The following TRAPPC6B variants were observed in gnomAD, a reference collection of about 807,000 sequenced individuals.
The protein encoded by TRAPPC6B is trafficking protein particle complex subunit 6B.
A neutral mutation model predicts 24.7 loss-of-function variants in TRAPPC6B; 27 were observed. The ratio of observed to expected loss-of-function variants is 1.09; its 90% CI spans 0.81 to 1.51. The LOEUF is 1.51. TRAPPC6B is among the 40% of genes most tolerant of loss of function. The pLI is 0.00. For synonymous variants in TRAPPC6B, 80 were observed against 66.6 expected, an observed-to-expected ratio of 1.20 and a Z score of -0.98; for missense variants, 212 against 190.8, an observed-to-expected ratio of 1.11 and a Z score of -0.66.
At chr14:39,153,829 C>T (rs1054773640) in intron 4 of TRAPPC6B, among the ~76,000 whole-genome samples, 11 of 151,930 alleles carry the variant, frequency 7.2e-5, no homozygotes, top group African/African-American at 1.7e-4. Flanking sequence ...CTCAGCCTCC[C>T]GAATAGCTGG....
In TRAPPC6B at chr14:39,148,986, G is replaced by A. The variant is rs1194784271; in HGVS notation, c.*1364C>T. On this transcript the variant is annotated 3_prime_UTR_variant, in exon 6 of 6. Coordinates refer to ENST00000330149, the MANE Select transcript of TRAPPC6B (RefSeq NM_001079537.2). ...AAGTACTTGCATATCTAAACATAAA[G>A]AAGGTACAGTAAAAATACAGTATTG... The A allele has an allele frequency of 8.0e-6, 3 of 376,776 alleles. No individual in the cohort carries two copies. The highest frequency in any genetic ancestry group is 1.4e-5 in the Non-Finnish European group (3 of 213,052). The allele number at this position is 376,776 out of a possible 1,614,324, so 23.3% of individuals were successfully genotyped here. A position where few individuals can be genotyped will look rare whatever the true frequency, so the allele number is the denominator to read the frequency against.
chr14:39,150,509 A>G, intron 5 of TRAPPC6B, 128 bp from the exon 6 acceptor site: 1 of 647,580 alleles, frequency 1.5e-6, no homozygotes, highest in Non-Finnish European at 2.6e-6. Flanking sequence ...ACTTTTTCGC[A>G]TTCTTCATAA....
chr14:39,170,171 C>A lies in TRAPPC6B; in HGVS notation c.-76G>T. 2.0e-6 allele frequency: 3 copies of A among 1,474,728 alleles called. No individual in the cohort carries two copies. The highest frequency in any genetic ancestry group is 1.9e-5 in the Admixed American group (1 of 52,278). The allele number at this position is 1,474,728 out of a possible 1,614,324, so 91.4% of individuals were successfully genotyped here. On this transcript the variant is annotated 5_prime_UTR_variant, in exon 1 of 6. Coordinates refer to ENST00000330149, the MANE Select transcript of TRAPPC6B (RefSeq NM_001079537.2). ...CTGGGGGTTCCAGCTCGCGCCTCAG[C>A]GACTTCGCCGGCGCCGCGGCTCCGT...
chr14:39,151,537 T>C (rs1310734228), intron 5 of TRAPPC6B, among the ~76,000 whole-genome samples: 4 of 152,102 alleles, frequency 2.6e-5, no homozygotes, highest in Admixed American at 2.6e-4. Context: ...ATCCCTTAAA[T>C]TGTCTTATAA....
Position 39,162,765 on chromosome 14 carries a change from A to G in TRAPPC6B, c.82-3215T>C, listed in dbSNP as rs544246557. Among the ~76,000 whole-genome samples the G allele has an allele frequency of 4.2e-4, 64 of 152,234 alleles. 1 individual carries two copies. The South Asian group carries it at 0.011, about 25-fold the overall frequency. On this transcript the variant is annotated intron_variant, in intron 1 of 5. Transcript: ENST00000330149. ...GCTCTTTCTTTGACAATCTCATTCAATCTTAAGGCTTGAAATAGTACCTCT... is the reference window on the plus strand; with the variant it reads ...GCTCTTTCTTTGACAATCTCATTCAGTCTTAAGGCTTGAAATAGTACCTCT...
intron 1 of TRAPPC6B, among the ~76,000 whole-genome samples, chr14:39,166,636 T>G (rs866185086): frequency 1.7e-4 from 25 of 150,122 alleles, no homozygotes; most frequent in Middle Eastern, 3.4e-3. Flanking sequence ...GGGTCTGAAT[T>G]CTGCTAAAAT....
At chr14:39,164,308 C>A (rs115904468) in intron 1 of TRAPPC6B, among the ~76,000 whole-genome samples, 3 of 152,012 alleles carry the variant, frequency 2.0e-5, no homozygotes, top group African/African-American at 7.3e-5. Flanking sequence ...TTTACCGACA[C>A]GGAAAAACCC....
At chr14:39,163,063 T>C (rs1179965374) in intron 1 of TRAPPC6B, among the ~76,000 whole-genome samples, 1 of 150,572 alleles carries the variant, frequency 6.6e-6, no homozygotes, top group Non-Finnish European at 1.5e-5. Context: ...TTGGCAACTC[T>C]CTATCCTAGT....
chr14:39,166,472 G>A (rs2053109941), intron 1 of TRAPPC6B, among the ~76,000 whole-genome samples: 1 of 152,142 alleles, frequency 6.6e-6, no homozygotes, highest in Non-Finnish European at 1.5e-5. Flanking sequence ...TAACCTCCAA[G>A]CTGCCCTTGG....
At chr14:39,169,847 A>G (rs1459350516) in intron 1 of TRAPPC6B, among the ~76,000 whole-genome samples, 168 bp downstream of exon 1, 1 of 152,236 alleles carries the variant, frequency 6.6e-6, no homozygotes, top group Non-Finnish European at 1.5e-5. Context: ...TGACGGTTCA[A>G]AGGAGACAAC....
intron 4 of TRAPPC6B, 131 bp downstream of exon 4, chr14:39,154,080 A>G (rs2052947782): frequency 3.4e-6 from 2 of 590,240 alleles, no homozygotes; most frequent in South Asian, 2.3e-5. Context: ...CTCATTTCAT[A>G]GAAAACTCTT....
chr14:39,164,562 G>A (rs2053089209), intron 1 of TRAPPC6B, among the ~76,000 whole-genome samples: 1 of 152,130 alleles, frequency 6.6e-6, no homozygotes, highest in Non-Finnish European at 1.5e-5. Flanking sequence ...TAAAGTCCAG[G>A]CCTGATGTAG....
At chr14:39,156,291 T>C (rs905403547) in intron 3 of TRAPPC6B, among the ~76,000 whole-genome samples, 2 of 152,130 alleles carry the variant, frequency 1.3e-5, no homozygotes, top group African/African-American at 4.8e-5. Context: ...TTGAGACCAG[T>C]CTGGAAAACA....
intron 3 of TRAPPC6B, chr14:39,157,284 A>G (rs2052993913): frequency 5.3e-6 from 2 of 375,948 alleles, no homozygotes; most frequent in African/African-American, 2.1e-5. Flanking sequence ...AGCAGCTGAA[A>G]GTGCCTCCTA....
At position 39,170,150 on chromosome 14, in the gene TRAPPC6B, G is replaced by T. The variant is rs2053154317; in HGVS notation, c.-55C>A. On this transcript the variant is annotated 5_prime_UTR_variant, in exon 1 of 6. Transcript: ENST00000330149. ...TTGGCTCCCGTTTGAGCTGGTCTGG[G>T]GGTTCCAGCTCGCGCCTCAGCGACT... The T allele has an allele frequency of 6.4e-7, 1 of 1,573,462 alleles. No homozygotes were observed. Among genetic ancestry groups the T allele is most frequent in the Admixed American group, 1.8e-5 (1 of 56,318 alleles).
rs750417849 is a variant in TRAPPC6B, at chr14:39,154,279, G to A, written c.283C>T (p.Gln95Ter). 3.1e-6 allele frequency: 5 copies of A among 1,611,736 alleles called. No individual in the cohort carries two copies. Among genetic ancestry groups the A allele is most frequent in the Non-Finnish European group, 4.2e-6 (5 of 1,178,350 alleles). The change falls in exon 4 of 6, where the codon CAG (glutamine) becomes TAG (stop). Residue 95 changes from glutamine to a stop codon, truncating the protein, a stop_gained. Coordinates refer to ENST00000330149, the MANE Select transcript of TRAPPC6B (RefSeq NM_001079537.2). LOFTEE classifies it high-confidence loss of function. ...RTNHQGIYVLQDNKFRLLTQM... is the reference protein window; with the variant it reads ...RTNHQGIYVL Reference sequence around the variant, plus strand: ...GTAAGCAGGCGAAATTTGTTGTCCTGAAGTACATAGATGCCCTGTTCCAAA... The same window carrying A: ...GTAAGCAGGCGAAATTTGTTGTCCTAAAGTACATAGATGCCCTGTTCCAAA...
At chr14:39,156,513 G>C (rs2052980814) in intron 3 of TRAPPC6B, among the ~76,000 whole-genome samples, 4 of 152,068 alleles carry the variant, frequency 2.6e-5, no homozygotes, top group African/African-American at 7.2e-5. Flanking sequence ...AGAATTACTT[G>C]AGTCCAGGAG....
chr14:39,169,902 T>C, intron 1 of TRAPPC6B, 113 bp downstream of exon 1: 2 of 968,210 alleles, frequency 2.1e-6, no homozygotes, highest in East Asian at 2.5e-5. Flanking sequence ...GACCATTTTG[T>C]GTACACCTCG....
chr14:39,165,826 C>G (rs1287631649), intron 1 of TRAPPC6B, among the ~76,000 whole-genome samples: 1 of 151,620 alleles, frequency 6.6e-6, no homozygotes, highest in Non-Finnish European at 1.5e-5. Flanking sequence ...TTTTTTGAGA[C>G]TGAGTCTTGC....
Sources: gnomAD v4.1 joint callset for allele counts (sites outside exome capture counted in the v4.1 genomes callset) on GRCh38, gnomAD v4.1.1 for gene constraint, MANE v1.5 for transcripts, NCBI Gene and HGNC (gene_info 2026-07-23, HGNC 2026-07-21) for gene names.